Variants in SUMF1 observed in about 807,000 individuals in gnomAD.
The protein encoded by SUMF1 is sulfatase modifying factor 1, also known as formylglycine-generating enzyme.
Under a neutral mutation model 47.6 loss-of-function variants are expected in SUMF1, and 48 were observed. The observed-to-expected ratio is 1.01, with a 90% confidence interval of 0.80 to 1.28. The LOEUF is 1.28. Ranked by LOEUF, SUMF1 falls within the 50% of genes most tolerant of loss-of-function variation. The pLI, the probability that SUMF1 is intolerant of heterozygous loss-of-function variation, is 0.00. For missense variants in SUMF1, 571 were observed against 485.4 expected, an observed-to-expected ratio of 1.18 and a Z score of -1.66; for synonymous variants, 230 against 192.1, an observed-to-expected ratio of 1.20 and a Z score of -1.63.
Position 4,362,157 on chromosome 3 carries a change from G to C in SUMF1, c.1112C>G (p.Pro371Arg). 1 of 1,614,116 alleles carries C rather than the reference G, an allele frequency of 6.2e-7. No homozygotes were observed. Among genetic ancestry groups the C allele is most frequent in the East Asian group, 2.2e-5 (1 of 44,870 alleles). The part of the protein sequence containing the change: ...LGFRCAADRL[P>R]TMD ...TTTCCTTGGTTGTCAGTCCATAGTG[G>C]GCAGGCGGTCGGCTGCACAGCGGAA... Residue 371 changes from proline (P) to arginine (R), a missense_variant, in exon 9 of 9, where the codon CCC (proline) becomes CGC (arginine). Physicochemically the swap from Pro to Arg is moderately radical, Grantham distance 103. Coordinates refer to ENST00000272902, the MANE Select transcript of SUMF1 (RefSeq NM_182760.4).
intron 7 of SUMF1, among the ~76,000 whole-genome samples, chr3:4,399,058 T>C (rs1044023268): frequency 3.3e-5 from 5 of 152,166 alleles, no homozygotes; most frequent in Admixed American, 1.3e-4. Flanking sequence ...TCTTCTTTTT[T>C]GCATAATCAG....
rs369746902 is a variant in SUMF1, at chr3:4,440,875, G to A, written c.519+8391C>T. 1.5e-3 allele frequency among the ~76,000 whole-genome samples: 231 copies of A among 152,266 alleles called. 1 individual carries two copies. The highest frequency in any genetic ancestry group is 5.4e-3 in the African/African-American group (223 of 41,572). ...ACCAACAGCAACTGTTTTCTACCCA[G>A]CCTATGGCTATCCCTTGTGTCAAAG... On this transcript the variant is annotated intron_variant, in intron 3 of 8. Coordinates refer to ENST00000272902, the MANE Select transcript of SUMF1 (RefSeq NM_182760.4).
chr3:4,270,246 G>A (rs1336874096), intron 8 of SUMF1, among the ~76,000 whole-genome samples: 1 of 152,068 alleles, frequency 6.6e-6, no homozygotes, highest in Admixed American at 6.6e-5. Flanking sequence ...AAGCACTGAA[G>A]TAAGCACTGA....
In SUMF1 at chr3:4,418,135, G is replaced by A; in HGVS notation, c.603-3C>T. 1 of 1,614,030 alleles carries A rather than the reference G, an allele frequency of 6.2e-7. No homozygotes were observed. Among genetic ancestry groups the A allele is most frequent in the Non-Finnish European group, 8.5e-7 (1 of 1,180,012 alleles). ...CATGGAGAACTGGATGATCCGGCCTGGGGAAGAGCAAAAGTAGAATGAAAA... is the reference window on the plus strand; with the variant it reads ...CATGGAGAACTGGATGATCCGGCCTAGGGAAGAGCAAAAGTAGAATGAAAA... On this transcript the variant is annotated splice_region_variant and splice_polypyrimidine_tract_variant and intron_variant, in intron 4 of 8. Coordinates refer to ENST00000272902, the MANE Select transcript of SUMF1 (RefSeq NM_182760.4).
At chr3:4,368,835 C>T (rs906335295) in intron 8 of SUMF1, among the ~76,000 whole-genome samples, 5 of 152,072 alleles carry the variant, frequency 3.3e-5, no homozygotes, top group African/African-American at 9.7e-5. Context: ...ACTCTTGTGC[C>T]CTAGGATTGT....
intron 8 of SUMF1, among the ~76,000 whole-genome samples, chr3:4,270,396 GCTCTCTCTCTCTTT>G (rs1697279807): frequency 1.3e-5 from 2 of 150,696 alleles, no homozygotes; most frequent in African/African-American, 4.9e-5. Context: ...TTCTCTCTTT[GCTCTCTCTCTCTTT>G]CTCTCTCTCT....
chr3:4,151,357 C>T (rs10865900), intron 8 of SUMF1, among the ~76,000 whole-genome samples: 99,338 of 145,736 alleles, frequency 0.68, 34,290 homozygotes, highest in African/African-American at 0.73. Context: ...TATACATACA[C>T]AATATATATA....
intron 8 of SUMF1, among the ~76,000 whole-genome samples, chr3:4,218,647 G>A (rs910989624): frequency 1.3e-5 from 2 of 152,172 alleles, no homozygotes; most frequent in Non-Finnish European, 1.5e-5. Flanking sequence ...GGCCAGGCCA[G>A]AGCTTCAAAT....
At chr3:4,272,385 A>G (rs1182806688) in intron 8 of SUMF1, among the ~76,000 whole-genome samples, 2 of 152,166 alleles carry the variant, frequency 1.3e-5, no homozygotes, top group African/African-American at 2.4e-5. Flanking sequence ...AATTGTTCTG[A>G]GTTGGGACAA....
rs1222608665 is a variant in SUMF1 at position 4,361,453 on chromosome 3, G to C, written c.*691C>G. On this transcript the variant is annotated 3_prime_UTR_variant, in exon 9 of 9. Coordinates refer to ENST00000272902, the MANE Select transcript of SUMF1 (RefSeq NM_182760.4). ...AGTCACCCCACAGACATTCCTATGT[G>C]TTCAACGGCTGAACTTCAGCATACC... 1 of 154,126 alleles carries C rather than the reference G, an allele frequency of 6.5e-6. No homozygotes were observed. The highest frequency in any genetic ancestry group is 1.4e-5 in the Non-Finnish European group (1 of 69,192). 9.5% of individuals were successfully genotyped at this position (154,126 alleles called of 1,614,324 possible).
intron 8 of SUMF1, among the ~76,000 whole-genome samples, chr3:4,173,444 A>G (rs1449212113): frequency 2.6e-5 from 4 of 152,216 alleles, no homozygotes; most frequent in African/African-American, 9.6e-5. Context: ...AGTGTAAATT[A>G]GTTCAACCAT....
chr3:4,367,733 G>A, intron 8 of SUMF1, among the ~76,000 whole-genome samples: 1 of 152,108 alleles, frequency 6.6e-6, no homozygotes, highest in Non-Finnish European at 1.5e-5. Flanking sequence ...CAAGCAATGG[G>A]GAAAGGATTC....
At chr3:4,273,815 A>AGGTCATGATGTTCC (rs1697358538) in intron 8 of SUMF1, among the ~76,000 whole-genome samples, 1 of 33,808 alleles carries the variant, frequency 3.0e-5, no homozygotes, top group African/African-American at 1.2e-4. Context: ...AGGGGAGGGC[A>AGGTCATGATGTTCC]TGGGAGGGGA....
chr3:4,151,991 A>G (rs958217088), intron 8 of SUMF1, among the ~76,000 whole-genome samples: 1 of 151,604 alleles, frequency 6.6e-6, no homozygotes, highest in Non-Finnish European at 1.5e-5. Flanking sequence ...TTGTTCCCCA[A>G]TTCAGTTCAA....
At chr3:4,422,223 C>G (rs749255739) in intron 3 of SUMF1, among the ~76,000 whole-genome samples, 1 of 152,076 alleles carries the variant, frequency 6.6e-6, no homozygotes, top group Non-Finnish European at 1.5e-5. Context: ...GTGCCCATGA[C>G]AGGTAATTCA....
intron 8 of SUMF1, among the ~76,000 whole-genome samples, chr3:4,080,176 C>T (rs150317433): frequency 5.3e-5 from 8 of 152,238 alleles, no homozygotes; most frequent in African/African-American, 1.9e-4. Context: ...ACTAATCACT[C>T]CAGTATTCCT....
intron 9 of SUMF1, among the ~76,000 whole-genome samples, chr3:4,042,035 A>G (rs1694916543): frequency 6.6e-6 from 1 of 152,176 alleles, no homozygotes; most frequent in Admixed American, 6.5e-5. Flanking sequence ...GTATACTAGG[A>G]GAAAATTACA....
chr3:4,363,134 T>A (rs953000070), intron 8 of SUMF1, among the ~76,000 whole-genome samples: 3 of 152,164 alleles, frequency 2.0e-5, no homozygotes, highest in Admixed American at 2.0e-4. Flanking sequence ...TATATATTAA[T>A]TTTTGAAATT....
intron 8 of SUMF1, among the ~76,000 whole-genome samples, chr3:4,070,119 C>T (rs977735167): frequency 5.3e-5 from 8 of 152,136 alleles, no homozygotes; most frequent in African/African-American, 1.9e-4. Context: ...AATTATGACC[C>T]AGAAAATGTT....
Sources: gnomAD v4.1 joint callset for allele counts (sites outside exome capture counted in the v4.1 genomes callset) on GRCh38, gnomAD v4.1.1 for gene constraint, MANE v1.5 for transcripts, NCBI Gene and HGNC (gene_info 2026-07-23, HGNC 2026-07-21) for gene names.